The following SYNE1 variants were observed in gnomAD, a reference collection of about 807,000 sequenced individuals.
The protein encoded by SYNE1 is nesprin-1.
Under a neutral mutation model 1,111.0 loss-of-function variants are expected in SYNE1, and 616 were observed. The observed-to-expected ratio is 0.55, with a 90% confidence interval of 0.52 to 0.59. SYNE1 has a LOEUF of 0.59. SYNE1 is among the 20% of genes least tolerant of loss of function. The pLI, the probability that SYNE1 is intolerant of heterozygous loss-of-function variation, is 0.00. For synonymous variants in SYNE1, 3,855 were observed against 3,825.8 expected, an observed-to-expected ratio of 1.01 and a Z score of -0.28; for missense variants, 10,006 against 10,417.0, an observed-to-expected ratio of 0.96 and a Z score of 1.72.
At chr6:152,328,661 C>G (rs568100652) in intron 78 of SYNE1, among the ~76,000 whole-genome samples, 6 of 152,112 alleles carry the variant, frequency 3.9e-5, no homozygotes, top group African/African-American at 1.4e-4. Context: ...ATCCACCCAC[C>G]TCACCCTCCC....
chr6:152,403,287 A>G (rs957171250), intron 46 of SYNE1, among the ~76,000 whole-genome samples: 3 of 152,220 alleles, frequency 2.0e-5, no homozygotes, highest in Non-Finnish European at 2.9e-5. Flanking sequence ...GTGCTGATCT[A>G]CCCTGGCCTG....
At chr6:152,612,555 A>G (rs759841540) in intron 3 of SYNE1, among the ~76,000 whole-genome samples, 5 of 152,204 alleles carry the variant, frequency 3.3e-5, no homozygotes, top group Non-Finnish European at 7.3e-5. Context: ...TTCGCAGCTG[A>G]ATTCTACCAG....
Position 152,371,910 on chromosome 6 carries a change from A to AGGACAGGACAGGAC in SYNE1, c.9507+1126_9507+1127insGTCCTGTCCTGTCC, listed in dbSNP as rs1563462234. 6.4e-5 allele frequency among the ~76,000 whole-genome samples: 3 copies of AGGACAGGACAGGAC among 46,784 alleles called. 1 individual carries two copies. The highest frequency in any genetic ancestry group is 2.0e-4 in the African/African-American group (3 of 14,770). The allele number at this position is 46,784 out of a possible 152,430, so 30.7% of individuals were successfully genotyped here. On this transcript the variant is annotated intron_variant, in intron 59 of 145. Transcript: ENST00000367255. The stretch of plus-strand genomic sequence containing the variant: ...AAGGAAAGGAAAGGAAAGGAAAGGA[A>AGGACAGGACAGGAC]AGGAAAGGAAAGGACAGGACAGGAC...
chr6:152,141,372 A>C lies in SYNE1; in HGVS notation c.25120-43T>G. ...ACCGGCCCCTGTCACCCAAATCTTC[A>C]TGAGTGCAAAAGCTTCCGGGGAAAA... On this transcript the variant is annotated intron_variant, in intron 138 of 145. Coordinates refer to ENST00000367255, the MANE Select transcript of SYNE1 (RefSeq NM_182961.4). The C allele has an allele frequency of 1.9e-6, 3 of 1,611,614 alleles. No individual in the cohort carries two copies. In the East Asian group the frequency reaches 6.7e-5, roughly 36 times the overall value.
intron 118 of SYNE1, 58 bp downstream of exon 118, chr6:152,221,368 T>C (rs1588125439): frequency 6.3e-7 from 1 of 1,584,576 alleles, no homozygotes; most frequent in South Asian, 1.1e-5. Flanking sequence ...TTTAATTATA[T>C]CATTATTTAT....
rs1185229524 is a variant in SYNE1, at chr6:152,302,007, C to T, written c.17403G>A (p.Lys5801=). The part of the protein sequence containing the change: ...YQEQIASLNS[K]CKMLTMKAKH... ...TGGCTTTCATCGTCAGCATCTTGCA[C>T]TTGGAATTCAAAGAAGCGATCTGCT... is the stretch of plus-strand genomic sequence containing the variant. Residue 5801 remains lysine, a synonymous_variant, in exon 92 of 146, where the codon AAG becomes AAA. Transcript: ENST00000367255. 6.2e-7 allele frequency: 1 copy of T among 1,614,262 alleles called. No individual in the cohort carries two copies. Among genetic ancestry groups the T allele is most frequent in the African/African-American group, 1.3e-5 (1 of 75,074 alleles).
At chr6:152,239,059 G>A (rs181259734) in intron 108 of SYNE1, among the ~76,000 whole-genome samples, 6 of 151,868 alleles carry the variant, frequency 4.0e-5, no homozygotes, top group African/African-American at 9.7e-5. Context: ...GACGACGTCC[G>A]GCTAATTTTT....
intron 3 of SYNE1, among the ~76,000 whole-genome samples, chr6:152,567,355 G>C (rs917381216): frequency 6.6e-6 from 1 of 151,064 alleles, no homozygotes; most frequent in African/African-American, 2.4e-5. Context: ...CAATGAAAAA[G>C]ATTTTTTTCC....
chr6:152,527,841 A>G (rs1272383135), intron 4 of SYNE1, among the ~76,000 whole-genome samples: 1 of 152,234 alleles, frequency 6.6e-6, no homozygotes, highest in East Asian at 1.9e-4. Flanking sequence ...TTTTAAAAAT[A>G]CACAGGTGTC....
intron 123 of SYNE1, 49 bp downstream of exon 123, chr6:152,213,561 CTA>C: frequency 6.2e-7 from 1 of 1,604,994 alleles, no homozygotes; most frequent in Non-Finnish European, 8.5e-7. Context: ...GTAGCATCTT[CTA>C]AGGGCCTAAA....
chr6:152,574,171 T>C lies in SYNE1; in HGVS notation c.68-34150A>G, dbSNP rs113301941. On this transcript the variant is annotated intron_variant, in intron 3 of 145. Coordinates refer to ENST00000367255, the MANE Select transcript of SYNE1 (RefSeq NM_182961.4). ...ATATACACATATATATGTATATATA[T>C]ACACACATATATATATACACATAAA... Among the ~76,000 whole-genome samples, 16 of 142,994 alleles carry C rather than the reference T, an allele frequency of 1.1e-4. No individual in the cohort carries two copies. In the East Asian group the frequency reaches 1.7e-3, roughly 15 times the overall value. 93.8% of individuals were successfully genotyped at this position (142,994 alleles called of 152,430 possible).
intron 93 of SYNE1, among the ~76,000 whole-genome samples, chr6:152,297,909 TG>T (rs2094966219): frequency 6.6e-6 from 1 of 152,100 alleles, no homozygotes; most frequent in Admixed American, 6.6e-5. Flanking sequence ...CTTTTATAGA[TG>T]AATAATTTCT....
chr6:152,472,571 C>G, intron 14 of SYNE1, 158 bp from the exon 15 acceptor site: 1 of 724,236 alleles, frequency 1.4e-6, no homozygotes. Flanking sequence ...AGGCTCTTAC[C>G]TTGAATAGGA....
At chr6:152,405,868 G>A (rs1224607970) in intron 45 of SYNE1, among the ~76,000 whole-genome samples, 1 of 152,082 alleles carries the variant, frequency 6.6e-6, no homozygotes, top group Non-Finnish European at 1.5e-5. Context: ...AGACAAATAA[G>A]TTAGGTAATG....
At chr6:152,549,632 T>G (rs1331725931) in intron 3 of SYNE1, among the ~76,000 whole-genome samples, 1 of 152,178 alleles carries the variant, frequency 6.6e-6, no homozygotes, top group East Asian at 1.9e-4. Context: ...AGTTCTGACA[T>G]GGATTGATGC....
At position 152,385,904 on chromosome 6, in the gene SYNE1, A is replaced by G. The variant is rs2097520365; in HGVS notation, c.8488-66T>C. 4 of 1,512,256 alleles carry G rather than the reference A, an allele frequency of 2.6e-6. No individual in the cohort carries two copies. In the South Asian group the frequency reaches 4.5e-5, roughly 17 times the overall value. The allele number at this position is 1,512,256 out of a possible 1,614,324, so 93.7% of individuals were successfully genotyped here. A position where few individuals can be genotyped will look rare whatever the true frequency, so the allele number is the denominator to read the frequency against. On this transcript the variant is annotated intron_variant, in intron 54 of 145. Coordinates refer to ENST00000367255, the MANE Select transcript of SYNE1 (RefSeq NM_182961.4). ...TGAGAACATGAACTCAGGTAAGACAACAGGCCTGATAGAGGTCTCTTAACA... is the reference window on the plus strand; with the variant it reads ...TGAGAACATGAACTCAGGTAAGACAGCAGGCCTGATAGAGGTCTCTTAACA...
chr6:152,350,714 C>A lies in SYNE1; in HGVS notation c.11637G>T (p.Lys3879Asn), dbSNP rs1314834299. ...GCACCAGTTCCAAAAGAGCTTCACC[C>A]TTCTCTCTCACTGACTTTACTGATG... ...HEPSVKSVREKGEALLELVQD... is the reference protein window; with the variant it reads ...HEPSVKSVRENGEALLELVQD... Residue 3879 changes from lysine to asparagine, a missense_variant, in exon 71 of 146, where the codon AAG becomes AAT. Physicochemically the swap from Lys to Asn is moderately conservative, Grantham distance 94. Coordinates refer to ENST00000367255, the MANE Select transcript of SYNE1 (RefSeq NM_182961.4). 1.9e-6 allele frequency: 3 copies of A among 1,613,962 alleles called. No individual in the cohort carries two copies. The highest frequency in any genetic ancestry group is 2.2e-5 in the East Asian group (1 of 44,886).
chr6:152,511,262 A>G (rs576494550), intron 6 of SYNE1, among the ~76,000 whole-genome samples, 159 bp from the exon 7 acceptor site: 5 of 152,322 alleles, frequency 3.3e-5, no homozygotes, highest in Non-Finnish European at 4.4e-5. Context: ...ACAAACAAGC[A>G]CAAGGTTTCA....
intron 104 of SYNE1, among the ~76,000 whole-genome samples, chr6:152,252,770 C>T (rs763730710): frequency 1.5e-4 from 23 of 152,074 alleles, no homozygotes; most frequent in Non-Finnish European, 3.2e-4. Context: ...TCTTTTTGTT[C>T]GTGAGCTGGC....
Sources: allele counts gnomAD v4.1 joint callset (sites outside exome capture counted in the v4.1 genomes callset), GRCh38; gene constraint gnomAD v4.1.1; transcripts MANE v1.5; gene names NCBI Gene and HGNC (gene_info 2026-07-23, HGNC 2026-07-21).